The following MGAT4C variants were observed in gnomAD, a reference collection of about 807,000 sequenced individuals.
MGAT4C encodes the protein MGAT4 family member C.
Under a neutral mutation model 40.1 loss-of-function variants are expected in MGAT4C, and 19 were observed. That is an observed-to-expected ratio of 0.47 (90% confidence interval 0.33 to 0.70). The LOEUF (loss-of-function observed/expected upper bound fraction) is 0.70, where lower values mean the gene tolerates loss of function less well. Among genes scored for constraint, MGAT4C ranks in the 30% least tolerant of loss-of-function variants. MGAT4C has a pLI of 0.02. For missense variants in MGAT4C, 491 were observed against 563.2 expected (o/e 0.87, Z 1.30); for synonymous variants, 181 against 187.1 (o/e 0.97, Z 0.27).
At chr12:86,760,543 C>G (rs866404799) in intron 1 of MGAT4C, among the ~76,000 whole-genome samples, 8 of 149,728 alleles carry the variant, frequency 5.3e-5, no homozygotes, top group Non-Finnish European at 9.0e-5. Context: ...AAGAAAAGAA[C>G]AAACAAACAA....
In MGAT4C at chr12:86,524,817, T is replaced by C. The variant is rs138238427; in HGVS notation, c.-228-89552A>G. On this transcript the variant is annotated intron_variant, in intron 2 of 7. Transcript: ENST00000548651. ...CCTGTCTTATTTCAGAAAGCCAGTA[T>C]TCAGGCTCTGAGATTCTTTCCTTTG... Among the ~76,000 whole-genome samples the C allele has an allele frequency of 5.9e-5, 9 of 152,316 alleles. No homozygotes were observed. The East Asian group carries it at 1.7e-3, about 29-fold the overall frequency.
In MGAT4C at chr12:85,978,862, A is replaced by G. The variant is rs941506567; in HGVS notation, c.*427T>C. On this transcript the variant is annotated 3_prime_UTR_variant, in exon 5 of 5. Transcript: ENST00000611864. ...AAAAAATAAACCAGATTATCATTCC[A>G]CCCAACTGTATATTCCCACAGATGC... 3 of 152,882 alleles carry G rather than the reference A, an allele frequency of 2.0e-5. No individual in the cohort carries two copies. The highest frequency in any genetic ancestry group is 2.0e-4 in the Admixed American group (3 of 15,340). 9.5% of individuals were successfully genotyped at this position (152,882 alleles called of 1,614,324 possible).
rs578223793 is a variant in MGAT4C at position 86,162,931 on chromosome 12, T to C, written c.-57+93308A>G. Among the ~76,000 whole-genome samples, 4 of 152,274 alleles carry C rather than the reference T, an allele frequency of 2.6e-5. No individual in the cohort carries two copies. The South Asian group carries it at 8.3e-4, about 32-fold the overall frequency. On this transcript the variant is annotated intron_variant, in intron 1 of 4. Transcript: ENST00000611864. ...CCAAACCTTATTTCCAAATACTATATGCTTAGTTCTTAGGATAAAAGTTGT... is the reference window on the plus strand; with the variant it reads ...CCAAACCTTATTTCCAAATACTATACGCTTAGTTCTTAGGATAAAAGTTGT...
intron 2 of MGAT4C, among the ~76,000 whole-genome samples, chr12:86,012,586 C>CA (rs1565857420): frequency 1.3e-5 from 2 of 150,968 alleles, no homozygotes; most frequent in African/African-American, 2.4e-5. Context: ...ACTAAAAATA[C>CA]AAAAAAGAAA....
At chr12:86,608,195 T>C (rs1302060657) in intron 2 of MGAT4C, among the ~76,000 whole-genome samples, 2 of 152,052 alleles carry the variant, frequency 1.3e-5, no homozygotes, top group African/African-American at 4.8e-5. Context: ...TCATACCATA[T>C]GATAAAGTCC....
chr12:86,629,826 A>G (rs576364528), intron 2 of MGAT4C, among the ~76,000 whole-genome samples: 2 of 152,318 alleles, frequency 1.3e-5, no homozygotes, highest in African/African-American at 4.8e-5. Flanking sequence ...CGACACCCTA[A>G]CATCACAATT....
At chr12:86,548,891 A>G (rs540366308) in intron 2 of MGAT4C, among the ~76,000 whole-genome samples, 2 of 152,348 alleles carry the variant, frequency 1.3e-5, no homozygotes, top group East Asian at 3.9e-4. Context: ...GTAAGAAGGA[A>G]ACTTCTCGAA....
At chr12:86,167,411 A>C (rs1886310233) in intron 1 of MGAT4C, among the ~76,000 whole-genome samples, 1 of 152,224 alleles carries the variant, frequency 6.6e-6, no homozygotes, top group Admixed American at 6.5e-5. Context: ...AAACCTCATT[A>C]GTTTAAACTA....
chr12:86,512,299 C>T (rs368336022), intron 2 of MGAT4C, among the ~76,000 whole-genome samples: 1 of 152,068 alleles, frequency 6.6e-6, no homozygotes, highest in Non-Finnish European at 1.5e-5. Flanking sequence ...AAGCATTGTA[C>T]ACTATTGTTG....
At chr12:86,233,650 G>A (rs941068835) in intron 1 of MGAT4C, among the ~76,000 whole-genome samples, 1 of 151,882 alleles carries the variant, frequency 6.6e-6, no homozygotes, top group African/African-American at 2.4e-5. Context: ...TTTCACTTAT[G>A]GTTTTTTTTC....
At chr12:86,793,432 A>C (rs775147851) in intron 1 of MGAT4C, among the ~76,000 whole-genome samples, 20 of 152,100 alleles carry the variant, frequency 1.3e-4, no homozygotes, top group Non-Finnish European at 2.5e-4. Context: ...GGGTTTTAGA[A>C]ATATTTTTAT....
intron 1 of MGAT4C, among the ~76,000 whole-genome samples, chr12:86,767,895 C>A (rs1396106153): frequency 6.6e-6 from 1 of 152,080 alleles, no homozygotes; most frequent in African/African-American, 2.4e-5. Context: ...CTATGACAAA[C>A]CCACAGCCAA....
chr12:86,340,012 C>T (rs966250165), intron 3 of MGAT4C, among the ~76,000 whole-genome samples: 4 of 152,138 alleles, frequency 2.6e-5, no homozygotes, highest in Non-Finnish European at 4.4e-5. Flanking sequence ...TGTAAAGATG[C>T]TTGTCCCCAT....
At chr12:86,601,536 G>C (rs1961780387) in intron 2 of MGAT4C, among the ~76,000 whole-genome samples, 1 of 152,174 alleles carries the variant, frequency 6.6e-6, no homozygotes, top group Middle Eastern at 3.4e-3. Context: ...ACCTAATAAA[G>C]CTCTTCCCCA....
At chr12:86,058,349 C>A (rs1893602583) in intron 1 of MGAT4C, among the ~76,000 whole-genome samples, 1 of 151,890 alleles carries the variant, frequency 6.6e-6, no homozygotes, top group African/African-American at 2.4e-5. Flanking sequence ...TACAGTCTGC[C>A]AAATAAGATG....
chr12:86,375,873 A>G (rs1187826216), intron 3 of MGAT4C, among the ~76,000 whole-genome samples: 4 of 152,154 alleles, frequency 2.6e-5, no homozygotes, highest in Non-Finnish European at 5.9e-5. Context: ...TTAAAAATGG[A>G]GAGACTATAC....
chr12:86,299,580 T>C (rs1953762905), intron 4 of MGAT4C, among the ~76,000 whole-genome samples: 1 of 152,172 alleles, frequency 6.6e-6, no homozygotes, highest in African/African-American at 2.4e-5. Context: ...TTGGGTTTGT[T>C]AGGAATTTTT....
At chr12:86,349,267 T>A (rs187267672) in intron 3 of MGAT4C, among the ~76,000 whole-genome samples, 1 of 152,256 alleles carries the variant, frequency 6.6e-6, no homozygotes, top group East Asian at 1.9e-4. Context: ...TTCCTACCCT[T>A]TTGTGGTCAG....
intron 2 of MGAT4C, among the ~76,000 whole-genome samples, chr12:86,670,175 G>T (rs918757156): frequency 6.6e-6 from 1 of 152,060 alleles, no homozygotes; most frequent in Non-Finnish European, 1.5e-5. Context: ...CATCACCAAA[G>T]GATGGCCCTA....
Sources: gnomAD v4.1 joint callset for allele counts (sites outside exome capture counted in the v4.1 genomes callset) on GRCh38, gnomAD v4.1.1 for gene constraint, MANE v1.5 for transcripts, NCBI Gene and HGNC (gene_info 2026-07-23, HGNC 2026-07-21) for gene names.